The following CSNK1D variants were observed in gnomAD, a reference collection of about 807,000 sequenced individuals.
CSNK1D encodes the protein casein kinase I isoform delta.
A neutral mutation model predicts 46.6 loss-of-function variants in CSNK1D; 16 were observed. The observed-to-expected ratio is 0.34, with a 90% CI of 0.23 to 0.52. The LOEUF is 0.52. CSNK1D is among the 20% of genes least tolerant of loss of function. The pLI is 0.95. For synonymous variants in CSNK1D, 276 were observed against 228.2 expected, an observed-to-expected ratio of 1.21 and a Z score of -1.89; for missense variants, 398 against 578.4, an observed-to-expected ratio of 0.69 and a Z score of 3.20.
rs532605010 is a variant in CSNK1D at position 82,258,049 on chromosome 17, T to A, written c.188-2472A>T. Among the ~76,000 whole-genome samples the A allele has an allele frequency of 1.8e-3, 278 of 151,786 alleles. 1 individual carries two copies. Among genetic ancestry groups the A allele is most frequent in the African/African-American group, 6.1e-3 (251 of 41,402 alleles). The stretch of plus-strand genomic sequence containing the variant: ...TGAGACCCCCGTCTCTACAAAAAAA[T>A]TTTAAAAATTAGCTAGGCATGGTGC... On this transcript the variant is annotated intron_variant, in intron 2 of 8. Transcript: ENST00000314028.
chr17:82,243,738 C>A lies in CSNK1D; in HGVS notation c.*1043G>T. 3 of 985,480 alleles carry A rather than the reference C, an allele frequency of 3.0e-6. No homozygotes were observed. Among genetic ancestry groups the A allele is most frequent in the African/African-American group, 3.5e-5 (2 of 57,364 alleles). The allele number at this position is 985,480 out of a possible 1,614,324, so 61.0% of individuals were successfully genotyped here. Reference sequence around the variant, plus strand: ...CTGGTTTTAAGCACAGGCATTCATACAGACGGAGTGCCAATCCGCACAGGA... The same window carrying A: ...CTGGTTTTAAGCACAGGCATTCATAAAGACGGAGTGCCAATCCGCACAGGA... On this transcript the variant is annotated 3_prime_UTR_variant, in exon 9 of 9. Transcript: ENST00000314028.
Position 82,248,514 on chromosome 17 carries a change from G to C in CSNK1D, c.1197+361C>G. The C allele has an allele frequency of 8.9e-7, 1 of 1,127,390 alleles. No homozygotes were observed. The highest frequency in any genetic ancestry group is 1.6e-5 in the African/African-American group (1 of 61,496). The allele number at this position is 1,127,390 out of a possible 1,614,324, so 69.8% of individuals were successfully genotyped here. On this transcript the variant is annotated intron_variant, in intron 8 of 8. Transcript: ENST00000314028. This position sits in a 1 kb window ranked among gnomAD's most constrained non-coding sequence, Gnocchi z 4.1. Reference sequence around the variant, plus strand: ...GGAAGAATGAGGAAGGCTCCCTCGGGCTGGGGGCACCCACAATGGGGCGCA... The same window carrying C: ...GGAAGAATGAGGAAGGCTCCCTCGGCCTGGGGGCACCCACAATGGGGCGCA...
intron 1 of CSNK1D, among the ~76,000 whole-genome samples, chr17:82,266,013 C>T (rs912357004): frequency 6.6e-6 from 1 of 152,208 alleles, no homozygotes. Context: ...TTGAACTGCA[C>T]AGAAAGTTTA....
intron 1 of CSNK1D, chr17:82,266,881 A>G (rs370892009): frequency 6.6e-6 from 1 of 152,310 alleles, no homozygotes; most frequent in African/African-American, 2.4e-5. Context: ...TAACACGGTG[A>G]AACCCCATCT....
At position 82,249,438 on chromosome 17, in the gene CSNK1D, T is replaced by A; in HGVS notation, c.1050A>T (p.Ser350=). The A allele has an allele frequency of 1.3e-6, 2 of 1,536,884 alleles. No individual in the cohort carries two copies. Among genetic ancestry groups the A allele is most frequent in the Non-Finnish European group, 8.7e-7 (1 of 1,145,972 alleles). The change falls in exon 7 of 9, where the codon TCA becomes TCT. Residue 350 remains serine (S), a synonymous_variant. Coordinates refer to ENST00000314028, the MANE Select transcript of CSNK1D (RefSeq NM_001893.6). The surrounding 1 kb of genome is among the most constrained non-coding windows in gnomAD (Gnocchi z 6.7). ...VAPPTPLTPT[S]HTANTSPRPV... ...TGGGAGGGGGGCACTCACCCGTGTG[T>A]GAGGTAGGGGTGAGGGGTGTGGGGG... is the stretch of plus-strand genomic sequence containing the variant.
Position 82,255,361 on chromosome 17 carries a change from C to A in CSNK1D, c.336+68G>T. The A allele has an allele frequency of 6.4e-7, 1 of 1,567,738 alleles. No homozygotes were observed. The highest frequency in any genetic ancestry group is 2.2e-5 in the East Asian group (1 of 44,656). ...TTAATGGCCATAATAATGGCAAGAA[C>A]AGCACAAGCGAGTGGCTGATTCTAT... On this transcript the variant is annotated intron_variant, in intron 3 of 8. Coordinates refer to ENST00000314028, the MANE Select transcript of CSNK1D (RefSeq NM_001893.6). This position sits in a 1 kb window ranked among gnomAD's most constrained non-coding sequence, Gnocchi z 5.9.
Position 82,273,147 on chromosome 17 carries a change from G to T in CSNK1D, c.76+159C>A, listed in dbSNP as rs1656869945. 3 of 537,062 alleles carry T rather than the reference G, an allele frequency of 5.6e-6. No homozygotes were observed. The highest frequency in any genetic ancestry group is 2.1e-5 in the African/African-American group (1 of 46,762). 33.3% of individuals were successfully genotyped at this position (537,062 alleles called of 1,614,324 possible). Reference sequence around the variant, plus strand: ...CACTGCCCTCCCCACCCCTGGCCGCGCTAGCCTAGTGGCCGTTGGGTTCTG... The same window carrying T: ...CACTGCCCTCCCCACCCCTGGCCGCTCTAGCCTAGTGGCCGTTGGGTTCTG... On this transcript the variant is annotated intron_variant, in intron 1 of 8. Coordinates refer to ENST00000314028, the MANE Select transcript of CSNK1D (RefSeq NM_001893.6). This position sits in a 1 kb window ranked among gnomAD's most constrained non-coding sequence, Gnocchi z 5.1.
chr17:82,253,756 G>A (rs2051077077), intron 3 of CSNK1D: 1 of 314,150 alleles, frequency 3.2e-6, no homozygotes, highest in South Asian at 2.6e-5. Context: ...GCCTCGAGAA[G>A]CCAGTGAACT....
At chr17:82,241,687 C>T (rs1481663139), downstream of CSNK1D, among the ~76,000 whole-genome samples, 1 of 152,218 alleles carries the variant, frequency 6.6e-6, no homozygotes, top group Non-Finnish European at 1.5e-5. Flanking sequence ...CAGTCTGGGG[C>T]AGCAAGAGGG....
chr17:82,256,370 G>A (rs948518300), intron 2 of CSNK1D, among the ~76,000 whole-genome samples: 3 of 152,086 alleles, frequency 2.0e-5, no homozygotes, highest in Non-Finnish European at 4.4e-5. Flanking sequence ...GAAATTAGGT[G>A]GGTGTGGTGG....
chr17:82,248,669 G>C lies in CSNK1D; in HGVS notation c.1197+206C>G, dbSNP rs1164181754. On this transcript the variant is annotated intron_variant, in intron 8 of 8. Coordinates refer to ENST00000314028, the MANE Select transcript of CSNK1D (RefSeq NM_001893.6). This position sits in a 1 kb window ranked among gnomAD's most constrained non-coding sequence, Gnocchi z 4.1. ...TGAGACTGGCCACCTGCAACCAGGA[G>C]ACAAGCCCCATGACGGCCCAGCATG... 4 of 1,408,606 alleles carry C rather than the reference G, an allele frequency of 2.8e-6. No homozygotes were observed. Among genetic ancestry groups the C allele is most frequent in the Non-Finnish European group, 3.7e-6 (4 of 1,081,444 alleles). 87.3% of individuals were successfully genotyped at this position (1,408,606 alleles called of 1,614,324 possible).
At chr17:82,266,016 A>C (rs2051459006) in intron 1 of CSNK1D, among the ~76,000 whole-genome samples, 1 of 152,180 alleles carries the variant, frequency 6.6e-6, no homozygotes, top group African/African-American at 2.4e-5. Context: ...AACTGCACAG[A>C]AAGTTTATGT....
intron 1 of CSNK1D, among the ~76,000 whole-genome samples, chr17:82,268,551 AT>A (rs1370505056): frequency 6.6e-6 from 1 of 152,240 alleles, no homozygotes; most frequent in East Asian, 1.9e-4. Flanking sequence ...GGGAATGAGA[AT>A]TTGAAAGACC....
chr17:82,245,408 A>G (rs2050825679), intron 8 of CSNK1D: 2 of 217,742 alleles, frequency 9.2e-6, no homozygotes, highest in South Asian at 1.3e-4. Context: ...CTGCGTGGAC[A>G]AGACGGCTGG....
chr17:82,243,353 G>A lies in CSNK1D; in HGVS notation c.*1428C>T. ...TCCAGCCGAAGTGCCCACGAACACA[G>A]ACTGCCCTGCGCATTGGGGTTGGGA... On this transcript the variant is annotated 3_prime_UTR_variant, in exon 9 of 9. Transcript: ENST00000314028. 1 of 985,446 alleles carries A rather than the reference G, an allele frequency of 1.0e-6. No individual in the cohort carries two copies. Among genetic ancestry groups the A allele is most frequent in the Non-Finnish European group, 1.2e-6 (1 of 830,038 alleles). 61.0% of individuals were successfully genotyped at this position (985,446 alleles called of 1,614,324 possible).
At position 82,249,713 on chromosome 17, in the gene CSNK1D, C is replaced by T. The variant is rs114245947; in HGVS notation, c.886-111G>A. 2.1e-3 allele frequency: 3,193 copies of T among 1,522,270 alleles called. 62 individuals are homozygous for T. The African/African-American group carries it at 0.038, about 18-fold the overall frequency. 94.3% of individuals were successfully genotyped at this position (1,522,270 alleles called of 1,614,324 possible). ...AAATACCTACCAAAGGGCACTGGGA[C>T]GAGACTGCCTGCAAAGCCCCCCACA... is the stretch of plus-strand genomic sequence containing the variant. On this transcript the variant is annotated intron_variant, in intron 6 of 8. Coordinates refer to ENST00000314028, the MANE Select transcript of CSNK1D (RefSeq NM_001893.6). The surrounding 1 kb of genome is among the most constrained non-coding windows in gnomAD (Gnocchi z 6.7).
At chr17:82,256,187 G>A (rs1222140592) in intron 2 of CSNK1D, among the ~76,000 whole-genome samples, 1 of 152,230 alleles carries the variant, frequency 6.6e-6, no homozygotes, top group African/African-American at 2.4e-5. Flanking sequence ...TGGCTGCATA[G>A]TATCAGTGCT....
Position 82,248,624 on chromosome 17 carries a change from GGCCTCAGGGA to G in CSNK1D, c.1197+241_1197+250del. On this transcript the variant is annotated intron_variant, in intron 8 of 8. Coordinates refer to ENST00000314028, the MANE Select transcript of CSNK1D (RefSeq NM_001893.6). This position sits in a 1 kb window ranked among gnomAD's most constrained non-coding sequence, Gnocchi z 4.1. ...CAGGAGAAAGCCCCCACGGTTTGCTGGCCTCAGGGACCTGAGACCTGAGACTGGCCACCTG... is the reference window on the plus strand; with the variant it reads ...CAGGAGAAAGCCCCCACGGTTTGCTGCCTGAGACCTGAGACTGGCCACCTG... The G allele has an allele frequency of 7.4e-7, 1 of 1,356,404 alleles. No homozygotes were observed. Among genetic ancestry groups the G allele is most frequent in the Non-Finnish European group, 9.5e-7 (1 of 1,050,948 alleles). The allele number at this position is 1,356,404 out of a possible 1,614,324, so 84.0% of individuals were successfully genotyped here.
rs2050927342 is a variant in CSNK1D at position 82,249,036 on chromosome 17, G to A, written c.1058-22C>T. The stretch of plus-strand genomic sequence containing the variant: ...TTAGCTGAGGACAGGGAGAGAAACG[G>A]AGTGGGCCGCCCCCGTCTGCTGCCT... On this transcript the variant is annotated intron_variant, in intron 7 of 8. Transcript: ENST00000314028. This position sits in a 1 kb window ranked among gnomAD's most constrained non-coding sequence, Gnocchi z 6.7. The A allele has an allele frequency of 6.4e-7, 1 of 1,550,440 alleles. No homozygotes were observed. The highest frequency in any genetic ancestry group is 2.0e-5 in the Admixed American group (1 of 51,142).
Sources: gnomAD v4.1 joint callset for allele counts (sites outside exome capture counted in the v4.1 genomes callset) on GRCh38, gnomAD v4.1.1 for gene constraint, Gnocchi (gnomAD v3.1) non-coding constraint, MANE v1.5 for transcripts, NCBI Gene and HGNC (gene_info 2026-07-23, HGNC 2026-07-21) for gene names.